Variants in MYO5C observed in about 807,000 individuals in gnomAD.
MYO5C encodes the protein unconventional myosin-Vc.
A neutral mutation model predicts 235.7 loss-of-function variants in MYO5C; 194 were observed. The observed-to-expected ratio is 0.82, with a 90% CI of 0.73 to 0.93. The LOEUF (loss-of-function observed/expected upper bound fraction) is 0.93, where lower values mean the gene tolerates loss of function less well. Among genes scored for constraint, MYO5C ranks in the 40% least tolerant of loss-of-function variants. The probability of loss-of-function intolerance (pLI) is 0.00; values close to 1 mark genes in which losing one functional copy is unlikely to be tolerated. For synonymous variants in MYO5C, 707 were observed against 754.8 expected (o/e 0.94, Z 1.04); for missense variants, 2,038 against 2,127.2 (o/e 0.96, Z 0.82).
intron 16 of MYO5C, 72 bp from the exon 17 acceptor site, chr15:52,246,114 G>T: frequency 8.6e-7 from 1 of 1,167,786 alleles, no homozygotes; most frequent in South Asian, 1.3e-5. Flanking sequence ...AGGCACAGCA[G>T]ACCTGGCTAG....
chr15:52,291,712 C>G (rs1029847051), intron 1 of MYO5C, among the ~76,000 whole-genome samples: 3 of 101,052 alleles, frequency 3.0e-5, no homozygotes, highest in Non-Finnish European at 6.5e-5. Flanking sequence ...GGTCTTTTTT[C>G]TTTGTTTGCA....
At chr15:52,201,919 T>TAAAAAA (rs57001210) in intron 38 of MYO5C, among the ~76,000 whole-genome samples, 1 of 125,998 alleles carries the variant, frequency 7.9e-6, no homozygotes, top group Non-Finnish European at 1.7e-5. Context: ...GGGATAATAC[T>TAAAAAA]AAAAAAAAAA....
intron 38 of MYO5C, among the ~76,000 whole-genome samples, chr15:52,199,373 T>C (rs2035131603): frequency 6.6e-6 from 1 of 152,156 alleles, no homozygotes; most frequent in Non-Finnish European, 1.5e-5. Flanking sequence ...CCACACTCCA[T>C]CTTGTCTGTC....
At position 52,223,729 on chromosome 15, in the gene MYO5C, T is replaced by G. The variant is rs184989249; in HGVS notation, c.3447-5A>C. 1.2e-6 allele frequency: 2 copies of G among 1,611,456 alleles called. No homozygotes were observed. Among genetic ancestry groups the G allele is most frequent in the East Asian group, 2.2e-5 (1 of 44,852 alleles). On this transcript the variant is annotated splice_polypyrimidine_tract_variant and splice_region_variant and intron_variant, in intron 28 of 40. Transcript: ENST00000261839. Reference sequence around the variant, plus strand: ...TGGAAATGGCTCTCCAAAACACTATTAAAGGAGGGGTCAAGAAATAAACCA... The same window carrying G: ...TGGAAATGGCTCTCCAAAACACTATGAAAGGAGGGGTCAAGAAATAAACCA...
intron 37 of MYO5C, 90 bp from the exon 38 acceptor site, chr15:52,205,237 C>T: frequency 7.2e-7 from 1 of 1,390,956 alleles, no homozygotes; most frequent in African/African-American, 1.4e-5. Flanking sequence ...GGAGATGGGA[C>T]ATTTTTCTAC....
At chr15:52,288,327 G>A (rs1233232367) in intron 1 of MYO5C, among the ~76,000 whole-genome samples, 4 of 152,158 alleles carry the variant, frequency 2.6e-5, no homozygotes, top group East Asian at 3.9e-4. Context: ...GAGTCCATGT[G>A]CTCTCCTAAC....
chr15:52,218,193 A>C (rs565207163), intron 32 of MYO5C, among the ~76,000 whole-genome samples: 2 of 152,336 alleles, frequency 1.3e-5, no homozygotes, highest in South Asian at 4.1e-4. Flanking sequence ...TAAAGCACTC[A>C]CACGTAGGCC....
At chr15:52,291,148 T>C (rs572476362) in intron 1 of MYO5C, among the ~76,000 whole-genome samples, 11 of 152,154 alleles carry the variant, frequency 7.2e-5, no homozygotes, top group Non-Finnish European at 1.3e-4. Context: ...AATGCCAGGA[T>C]ACACTGAGGG....
chr15:52,269,817 A>G lies in MYO5C; in HGVS notation c.876T>C (p.Thr292=). ...CTCGATCATTCACACCCTCAATGAC[A>G]GTATTGCCTCCCATTCTTGTATAAT... ...EFNYTRMGGN[T]VIEGVNDRAE... The change falls in exon 8 of 41, where the codon ACT becomes ACC. Residue 292 remains threonine, a synonymous_variant. Transcript: ENST00000261839. 1 of 1,613,806 alleles carries G rather than the reference A, an allele frequency of 6.2e-7. No individual in the cohort carries two copies. Among genetic ancestry groups the G allele is most frequent in the Non-Finnish European group, 8.5e-7 (1 of 1,179,832 alleles).
chr15:52,231,399 C>T (rs2035947277), intron 24 of MYO5C, among the ~76,000 whole-genome samples: 1 of 152,196 alleles, frequency 6.6e-6, no homozygotes, highest in Non-Finnish European at 1.5e-5. Context: ...GACCTGGCCT[C>T]AGCCTGGCTC....
intron 24 of MYO5C, among the ~76,000 whole-genome samples, chr15:52,231,021 T>A (rs565911219): frequency 6.6e-6 from 1 of 151,580 alleles, no homozygotes. Flanking sequence ...AGATACGGGG[T>A]TTCACCATGT....
chr15:52,289,924 T>A (rs1464551677), intron 1 of MYO5C, among the ~76,000 whole-genome samples: 1 of 152,194 alleles, frequency 6.6e-6, no homozygotes, highest in Non-Finnish European at 1.5e-5. Context: ...TCTTTGGCTT[T>A]CTGCTGTGTA....
chr15:52,265,381 G>A (rs971936163), intron 8 of MYO5C, among the ~76,000 whole-genome samples: 3 of 151,864 alleles, frequency 2.0e-5, no homozygotes, highest in South Asian at 2.1e-4. Context: ...TGAGAGATGC[G>A]CTCGGGCTGG....
At position 52,269,720 on chromosome 15, in the gene MYO5C, G is replaced by C. The variant is rs552190221; in HGVS notation, c.940+33C>G. 4.4e-6 allele frequency: 6 copies of C among 1,367,448 alleles called. No individual in the cohort carries two copies. In the African/African-American group the frequency reaches 8.8e-5, roughly 20 times the overall value. The allele number at this position is 1,367,448 out of a possible 1,614,324, so 84.7% of individuals were successfully genotyped here. On this transcript the variant is annotated intron_variant, in intron 8 of 40. Transcript: ENST00000261839. The stretch of plus-strand genomic sequence containing the variant: ...TTTTTTTTTTTTTTTAAGAGAAAAT[G>C]GCTACATACTTGGATGGGATATTTT...
At chr15:52,254,074 G>A (rs1438339666) in intron 11 of MYO5C, among the ~76,000 whole-genome samples, 3 of 152,182 alleles carry the variant, frequency 2.0e-5, no homozygotes, top group Non-Finnish European at 4.4e-5. Flanking sequence ...CTCAATGGGT[G>A]CTTGAGAAAC....
At chr15:52,229,056 G>T in intron 25 of MYO5C, 77 bp downstream of exon 25, 1 of 1,558,498 alleles carries the variant, frequency 6.4e-7, no homozygotes. Flanking sequence ...GCTTTTAGCT[G>T]TCTAATCTGT....
intron 13 of MYO5C, among the ~76,000 whole-genome samples, chr15:52,250,010 A>G (rs1334475271): frequency 6.6e-6 from 1 of 152,190 alleles, no homozygotes; most frequent in Non-Finnish European, 1.5e-5. Flanking sequence ...AGAGAATTAC[A>G]TGTCCAGAAA....
chr15:52,202,124 A>G (rs918475032), intron 38 of MYO5C, among the ~76,000 whole-genome samples: 13 of 152,190 alleles, frequency 8.5e-5, no homozygotes, highest in African/African-American at 3.1e-4. Context: ...CAGCCTGAGC[A>G]ACATAGTGAG....
chr15:52,268,979 T>C (rs1217391447), intron 8 of MYO5C, among the ~76,000 whole-genome samples: 1 of 152,186 alleles, frequency 6.6e-6, no homozygotes, highest in African/African-American at 2.4e-5. Flanking sequence ...CCTAGGGTGG[T>C]TGTAGGGATT....
Sources: gnomAD v4.1 joint callset for allele counts (sites outside exome capture counted in the v4.1 genomes callset) on GRCh38, gnomAD v4.1.1 for gene constraint, MANE v1.5 for transcripts, NCBI Gene and HGNC (gene_info 2026-07-23, HGNC 2026-07-21) for gene names.